XRCC4: variants seen among roughly 807,000 people sequenced by gnomAD.
XRCC4 encodes X-ray repair cross complementing 4, also known as DNA repair protein XRCC4.
In XRCC4, 28 loss-of-function variants were observed where a neutral mutation model predicts 39.1. The ratio of observed to expected loss-of-function variants is 0.72; its 90% CI spans 0.53 to 0.98. The LOEUF is 0.98. Among genes scored for constraint, XRCC4 ranks in the 50% least tolerant of loss-of-function variants. The pLI is 0.00. For missense variants in XRCC4, 350 were observed against 376.4 expected (o/e 0.93, Z 0.58); for synonymous variants, 123 against 126.4 (o/e 0.97, Z 0.18).
chr5:83,303,218 A>C (rs1024060842), intron 7 of XRCC4, among the ~76,000 whole-genome samples: 376 of 151,052 alleles, frequency 2.5e-3, no homozygotes, highest in African/African-American at 8.7e-3. Context: ...GTCTCAAAAA[A>C]AAAAAAAAAA....
chr5:83,121,828 C>T (rs1293324547), intron 3 of XRCC4, among the ~76,000 whole-genome samples: 3 of 152,100 alleles, frequency 2.0e-5, no homozygotes, highest in Admixed American at 6.6e-5. Flanking sequence ...TTAGATTTTA[C>T]ATTTAGAGTC....
At chr5:83,188,903 C>T (rs1010632986) in intron 3 of XRCC4, among the ~76,000 whole-genome samples, 21 of 152,118 alleles carry the variant, frequency 1.4e-4, no homozygotes, top group African/African-American at 5.1e-4. Flanking sequence ...GCCTAGAGAC[C>T]TGTGATGAGA....
intron 3 of XRCC4, among the ~76,000 whole-genome samples, chr5:83,191,821 A>G (rs1434638538): frequency 6.6e-6 from 1 of 152,200 alleles, no homozygotes; most frequent in Non-Finnish European, 1.5e-5. Context: ...CTCCCCAGCC[A>G]TGTGAAACTC....
chr5:83,204,945 C>T lies in XRCC4; in HGVS notation c.745+24C>T, dbSNP rs779196789. On this transcript the variant is annotated intron_variant, in intron 6 of 7. Transcript: ENST00000396027. Reference sequence around the variant, plus strand: ...AGGTAAGAGATACATACATTTATCTCCTCTGTTGAATATCTTATTTGGGCT... The same window carrying T: ...AGGTAAGAGATACATACATTTATCTTCTCTGTTGAATATCTTATTTGGGCT... 9 of 1,497,678 alleles carry T rather than the reference C, an allele frequency of 6.0e-6. No homozygotes were observed. The South Asian group carries it at 7.0e-5, about 12-fold the overall frequency. The allele number at this position is 1,497,678 out of a possible 1,614,324, so 92.8% of individuals were successfully genotyped here.
At position 83,175,368 on chromosome 5, in the gene XRCC4, C is replaced by T. The variant is rs144497500; in HGVS notation, c.316-20402C>T. On this transcript the variant is annotated intron_variant, in intron 3 of 7. Transcript: ENST00000396027. ...CTAAAATGATAAAGACCTTTACATC[C>T]CATAATAGGAATATCTGGAAAAAAT... is the stretch of plus-strand genomic sequence containing the variant. Among the ~76,000 whole-genome samples, 825 of 151,946 alleles carry T rather than the reference C, an allele frequency of 5.4e-3. 6 individuals are homozygous for T. The highest frequency in any genetic ancestry group is 9.8e-3 in the South Asian group (47 of 4,806).
intron 3 of XRCC4, among the ~76,000 whole-genome samples, chr5:83,170,555 G>T (rs1425508765): frequency 5.3e-5 from 8 of 152,142 alleles, no homozygotes; most frequent in Non-Finnish European, 1.2e-4. Context: ...GCAGCATTCA[G>T]TTCCTTGCTG....
At chr5:83,273,187 T>A (rs1252941512) in intron 7 of XRCC4, among the ~76,000 whole-genome samples, 1 of 152,196 alleles carries the variant, frequency 6.6e-6, no homozygotes, top group African/African-American at 2.4e-5. Context: ...GATGATAAAC[T>A]TTTTTTCATA....
At chr5:83,120,110 A>G (rs1292058452) in intron 3 of XRCC4, among the ~76,000 whole-genome samples, 3 of 152,190 alleles carry the variant, frequency 2.0e-5, no homozygotes, top group Admixed American at 6.5e-5. Flanking sequence ...TTTCAATTTA[A>G]CAATATTAAT....
At chr5:83,289,622 G>A (rs1754848588) in intron 7 of XRCC4, among the ~76,000 whole-genome samples, 1 of 151,836 alleles carries the variant, frequency 6.6e-6, no homozygotes, top group African/African-American at 2.4e-5. Context: ...TGGGAGAAAA[G>A]CATTCTTGAT....
intron 6 of XRCC4, among the ~76,000 whole-genome samples, chr5:83,218,294 C>T (rs948729900): frequency 9.7e-5 from 14 of 143,848 alleles, no homozygotes; most frequent in Admixed American, 2.9e-4. Flanking sequence ...ACATACTCTG[C>T]AACATTTCTC....
intron 7 of XRCC4, among the ~76,000 whole-genome samples, chr5:83,291,832 C>T (rs1163208035): frequency 6.6e-6 from 1 of 151,692 alleles, no homozygotes; most frequent in East Asian, 1.9e-4. Flanking sequence ...TGAGGCACTG[C>T]TCAGGCAGGG....
rs544803191 is a variant in XRCC4 at position 83,327,751 on chromosome 5, T to A, written c.894-25380T>A. Among the ~76,000 whole-genome samples the A allele has an allele frequency of 1.9e-4, 29 of 152,220 alleles. No individual in the cohort carries two copies. The East Asian group carries it at 5.2e-3, about 27-fold the overall frequency. ...CCTCAATTAGTGCAAAGAAGTTTAATAAAATTCAGCACTCAGACATAACAA... is the reference window on the plus strand; with the variant it reads ...CCTCAATTAGTGCAAAGAAGTTTAAAAAAATTCAGCACTCAGACATAACAA... On this transcript the variant is annotated intron_variant, in intron 7 of 7. Transcript: ENST00000396027.
the XRCC4 span, among the ~76,000 whole-genome samples, chr5:83,370,834 A>G: frequency 6.6e-6 from 1 of 152,114 alleles, no homozygotes; most frequent in African/African-American, 2.4e-5. Context: ...CTGCATCAAC[A>G]TCACAGCCAC....
At chr5:83,191,761 C>T (rs974876311) in intron 3 of XRCC4, among the ~76,000 whole-genome samples, 3 of 152,140 alleles carry the variant, frequency 2.0e-5, no homozygotes, top group Non-Finnish European at 2.9e-5. Context: ...TGCTGTCATC[C>T]GTGTAAGATG....
At chr5:83,221,196 G>A (rs546547363) in intron 6 of XRCC4, among the ~76,000 whole-genome samples, 61 of 152,070 alleles carry the variant, frequency 4.0e-4, no homozygotes, top group African/African-American at 1.4e-3. Context: ...TTGAATTACT[G>A]TTATTTTTTA....
Position 83,204,839 on chromosome 5 carries a change from G to T in XRCC4, c.663G>T (p.Met221Ile). 6.2e-7 allele frequency: 1 copy of T among 1,611,772 alleles called. No individual in the cohort carries two copies. Among genetic ancestry groups the T allele is most frequent in the South Asian group, 1.1e-5 (1 of 90,852 alleles). Residue 221 changes from methionine (M) to isoleucine (I), a missense_variant, in exon 6 of 8, where the codon ATG (methionine) becomes ATT (isoleucine). By Grantham distance (10) the Met-to-Ile change is conservative (BLOSUM62 1). Coordinates refer to ENST00000396027, the MANE Select transcript of XRCC4 (RefSeq NM_003401.5). Reference protein sequence around the residue: ...QEGETAICSEMTADRDPVYDE... With the variant: ...QEGETAICSEITADRDPVYDE... The stretch of plus-strand genomic sequence containing the variant: ...GGGAAACTGCAATCTGTTCTGAAAT[G>T]ACTGCTGACCGAGATCCAGTCTATG...
At chr5:83,300,686 C>A (rs532284089) in intron 7 of XRCC4, among the ~76,000 whole-genome samples, 3 of 151,260 alleles carry the variant, frequency 2.0e-5, no homozygotes, top group Non-Finnish European at 4.4e-5. Context: ...ACCCATCAAC[C>A]GGTCATCTAC....
chr5:83,211,795 C>G (rs1285448191), intron 6 of XRCC4, among the ~76,000 whole-genome samples: 1 of 152,114 alleles, frequency 6.6e-6, no homozygotes, highest in Non-Finnish European at 1.5e-5. Context: ...TCAATTGTCA[C>G]ACATCACAAG....
intron 3 of XRCC4, among the ~76,000 whole-genome samples, chr5:83,116,153 G>T (rs1330118295): frequency 6.6e-6 from 1 of 152,178 alleles, no homozygotes. Context: ...AATTTTGCTT[G>T]GATGACCTAA....
Sources: allele counts gnomAD v4.1 joint callset (sites outside exome capture counted in the v4.1 genomes callset), GRCh38; gene constraint gnomAD v4.1.1; transcripts MANE v1.5; gene names NCBI Gene and HGNC (gene_info 2026-07-23, HGNC 2026-07-21).